Variants in COLEC10 observed in about 807,000 individuals in gnomAD.
The protein encoded by COLEC10 is collectin-10.
COLEC10 carries 22 observed loss-of-function variants against 28.4 expected under a neutral mutation model. The observed-to-expected ratio is 0.78, with a 90% CI of 0.55 to 1.11. COLEC10 has a LOEUF of 1.11. Ranked by LOEUF, COLEC10 falls within the 50% of genes least tolerant of loss-of-function variation. COLEC10 has a pLI of 0.00. For synonymous variants in COLEC10, 125 were observed against 116.1 expected, an observed-to-expected ratio of 1.08 and a Z score of -0.49; for missense variants, 361 against 344.1, an observed-to-expected ratio of 1.05 and a Z score of -0.39.
At chr8:119,092,034 G>A (rs1028920918) in intron 3 of COLEC10, among the ~76,000 whole-genome samples, 2 of 150,870 alleles carry the variant, frequency 1.3e-5, no homozygotes, top group Non-Finnish European at 3.0e-5. Flanking sequence ...GAGCATATAT[G>A]TGGATACCCA....
chr8:118,987,166 A>G, the COLEC10 span, among the ~76,000 whole-genome samples: 1 of 152,122 alleles, frequency 6.6e-6, no homozygotes, highest in Non-Finnish European at 1.5e-5. Context: ...AAACAAACCC[A>G]CACCTCGATA....
chr8:119,094,951 A>G (rs1453537136), intron 3 of COLEC10, among the ~76,000 whole-genome samples: 1 of 152,210 alleles, frequency 6.6e-6, no homozygotes, highest in East Asian at 1.9e-4. Flanking sequence ...AAATTAGCAC[A>G]GCCCTCTATC....
At chr8:119,063,325 C>G (rs190481706), upstream of COLEC10, 1 of 152,142 alleles carries the variant, frequency 6.6e-6, no homozygotes, top group African/African-American at 2.4e-5. Context: ...CTTAATACAA[C>G]GGACCTTTAT....
chr8:119,034,289 A>G (rs1225105437), intron 2 of COLEC10, among the ~76,000 whole-genome samples: 2 of 152,176 alleles, frequency 1.3e-5, no homozygotes, highest in Non-Finnish European at 2.9e-5. Context: ...TTCCTAATGT[A>G]GATGACAGGT....
the COLEC10 span, among the ~76,000 whole-genome samples, chr8:118,975,662 C>T: frequency 2.0e-5 from 3 of 151,902 alleles, no homozygotes; most frequent in African/African-American, 7.3e-5. Context: ...ATTAATCTTG[C>T]CTTCTCTCTA....
At chr8:119,088,699 G>A (rs1340321734) in intron 1 of COLEC10, among the ~76,000 whole-genome samples, 2 of 152,106 alleles carry the variant, frequency 1.3e-5, no homozygotes, top group Non-Finnish European at 2.9e-5. Context: ...TGTGTTCTTT[G>A]TTTTCAAAGC....
rs773102706 is a variant in COLEC10 at position 119,103,827 on chromosome 8, G to A, written c.374G>A (p.Arg125Gln). ...ACTGTCTGTGATTGTGGAAGATACCGGAAATTTGTTGGACAACTGGATATT... is the reference window on the plus strand; with the variant it reads ...ACTGTCTGTGATTGTGGAAGATACCAGAAATTTGTTGGACAACTGGATATT... ...AGTVCDCGRY[R>Q]KFVGQLDISI... is the part of the protein sequence containing the mutation. The change falls in exon 5 of 6, where the codon CGG becomes CAG. Residue 125 changes from arginine (R) to glutamine (Q), a missense_variant. Physicochemically the swap from Arg to Gln is conservative, Grantham distance 43 (BLOSUM62 1). Coordinates refer to ENST00000332843, the MANE Select transcript of COLEC10 (RefSeq NM_006438.5). The A allele has an allele frequency of 4.0e-5, 65 of 1,612,276 alleles. No individual in the cohort carries two copies. The highest frequency in any genetic ancestry group is 1.6e-4 in the East Asian group (7 of 44,824).
Position 119,010,873 on chromosome 8 carries a change from A to G in COLEC10, n.235+1320A>G, listed in dbSNP as rs1813889998. On this transcript the variant is annotated intron_variant and non_coding_transcript_variant, in intron 2 of 6. Transcript: ENST00000521788. ...TTAGCTTTCTTATTGTTGAATTTTA[A>G]GAGTTCTTTGTATATTTTGGATAAC... Among the ~76,000 whole-genome samples, 3 of 151,056 alleles carry G rather than the reference A, an allele frequency of 2.0e-5. 1 individual carries two copies. The highest frequency in any genetic ancestry group is 7.4e-5 in the African/African-American group (3 of 40,472).
At chr8:119,088,498 G>A (rs553801423) in intron 1 of COLEC10, among the ~76,000 whole-genome samples, 49 of 152,138 alleles carry the variant, frequency 3.2e-4, no homozygotes, top group African/African-American at 5.1e-4. Flanking sequence ...ATCTCTGGTC[G>A]TGTTTTTTCC....
chr8:119,048,562 T>C (rs1474350823), intron 2 of COLEC10, among the ~76,000 whole-genome samples: 2 of 152,252 alleles, frequency 1.3e-5, no homozygotes, highest in Non-Finnish European at 2.9e-5. Flanking sequence ...AGTTTTCTTT[T>C]TGGATTTTAT....
chr8:119,010,178 C>T (rs1000237750), intron 2 of COLEC10, among the ~76,000 whole-genome samples: 30 of 150,804 alleles, frequency 2.0e-4, no homozygotes, highest in Non-Finnish European at 2.8e-4. Flanking sequence ...TTAGCCCTCC[C>T]TCCCTCCTAA....
chr8:118,975,803 T>A, the COLEC10 span, among the ~76,000 whole-genome samples: 1 of 151,962 alleles, frequency 6.6e-6, no homozygotes, highest in Non-Finnish European at 1.5e-5. Context: ...AATGACCAGG[T>A]GATGGTGAAC....
chr8:119,101,945 G>A (rs755103831), intron 3 of COLEC10, among the ~76,000 whole-genome samples: 5 of 151,954 alleles, frequency 3.3e-5, no homozygotes, highest in Admixed American at 6.6e-5. Flanking sequence ...AAAACATGCT[G>A]AGAATTGTAT....
the COLEC10 span, among the ~76,000 whole-genome samples, chr8:118,982,193 A>G: frequency 2.6e-5 from 4 of 152,204 alleles, no homozygotes; most frequent in East Asian, 5.8e-4. Context: ...ATAATCCAGA[A>G]TAAAGGTATC....
chr8:118,975,942 T>C, the COLEC10 span, among the ~76,000 whole-genome samples: 3 of 152,202 alleles, frequency 2.0e-5, no homozygotes, highest in Middle Eastern at 3.4e-3. Flanking sequence ...ATAAGGTAGA[T>C]AAAGTAGCTA....
chr8:119,062,835 A>G (rs1018847811), upstream of COLEC10: 4 of 152,182 alleles, frequency 2.6e-5, no homozygotes, highest in Non-Finnish European at 5.9e-5. Context: ...AAAAGAAATT[A>G]TTATGTGTTT....
intron 2 of COLEC10, among the ~76,000 whole-genome samples, chr8:119,038,213 C>T (rs953779986): frequency 1.3e-5 from 2 of 152,184 alleles, no homozygotes; most frequent in African/African-American, 4.8e-5. Flanking sequence ...ACAGCTTTGC[C>T]GTTTCTAGCA....
At chr8:119,081,884 G>A (rs1815377305) in intron 1 of COLEC10, among the ~76,000 whole-genome samples, 1 of 152,132 alleles carries the variant, frequency 6.6e-6, no homozygotes, top group Admixed American at 6.5e-5. Flanking sequence ...AAGATAGTTG[G>A]GAAAAGTGAA....
chr8:119,050,806 C>G (rs1305432067), intron 2 of COLEC10, among the ~76,000 whole-genome samples: 2 of 152,106 alleles, frequency 1.3e-5, no homozygotes, highest in Non-Finnish European at 2.9e-5. Flanking sequence ...CCTGAGGAGG[C>G]CAAGTTCATA....
Sources: allele counts gnomAD v4.1 joint callset (sites outside exome capture counted in the v4.1 genomes callset), GRCh38; gene constraint gnomAD v4.1.1; transcripts MANE v1.5; gene names NCBI Gene and HGNC (gene_info 2026-07-23, HGNC 2026-07-21).